Variants in B9D1 observed in about 807,000 individuals in gnomAD.
B9D1 encodes B9 domain-containing protein 1.
B9D1 carries 20 observed loss-of-function variants against 26.1 expected under a neutral mutation model. That is an observed-to-expected ratio of 0.77 (90% CI 0.54 to 1.12). B9D1 has a LOEUF of 1.12. Ranked by LOEUF, B9D1 falls within the 50% of genes most tolerant of loss-of-function variation. The pLI, the probability that B9D1 is intolerant of heterozygous loss-of-function variation, is 0.00. For missense variants in B9D1, 260 were observed against 273.7 expected, an observed-to-expected ratio of 0.95 and a Z score of 0.35; for synonymous variants, 105 against 103.1, an observed-to-expected ratio of 1.02 and a Z score of -0.11.
At chr17:19,366,922 G>T (rs1019296077), upstream of B9D1, among the ~76,000 whole-genome samples, 1 of 152,208 alleles carries the variant, frequency 6.6e-6, no homozygotes, top group Admixed American at 6.5e-5. Flanking sequence ...AGCTACAGGG[G>T]CTGAGAGGCC....
downstream of B9D1, chr17:19,336,003 T>A (rs1308924808): frequency 6.6e-6 from 1 of 152,576 alleles, no homozygotes; most frequent in Non-Finnish European, 1.5e-5. Context: ...AGCCCCTCTC[T>A]GGTTCCAGAA....
At chr17:19,363,425 T>C (rs556494462), upstream of B9D1, among the ~76,000 whole-genome samples, 1 of 152,222 alleles carries the variant, frequency 6.6e-6, no homozygotes, top group Non-Finnish European at 1.5e-5. Flanking sequence ...AGTAAGCACT[T>C]GGTAACTACT....
At chr17:19,335,541 G>A, downstream of B9D1, 2 of 1,482,828 alleles carry the variant, frequency 1.3e-6, no homozygotes, top group Middle Eastern at 1.7e-4. Flanking sequence ...GGAAATGGCA[G>A]TTGTCCCGAG....
At chr17:19,353,037 GCGATCTCAGCTCA>G (rs1259039573) in intron 3 of B9D1, among the ~76,000 whole-genome samples, 1 of 150,964 alleles carries the variant, frequency 6.6e-6, no homozygotes, top group Non-Finnish European at 1.5e-5. Flanking sequence ...GTGTAGTGAC[GCGATCTCAGCTCA>G]CTGCTATCTC....
intron 3 of B9D1, among the ~76,000 whole-genome samples, chr17:19,353,848 G>C (rs1468450711): frequency 3.3e-5 from 5 of 152,038 alleles, no homozygotes; most frequent in African/African-American, 9.7e-5. Context: ...GCTGAGGCAG[G>C]AGAATCGGTT....
rs1910708122 is a variant in B9D1, at chr17:19,359,040, T to G, written c.133-1089A>C. On this transcript the variant is annotated intron_variant, in intron 2 of 6. Transcript: ENST00000261499. The surrounding 1 kb of genome is among the most constrained non-coding windows in gnomAD (Gnocchi z 5.0). ...ATCCATCAAAAGAACCCAGCGGCTC[T>G]ATCTTCAGAATATACTTGCAGTCCA... Among the ~76,000 whole-genome samples the G allele has an allele frequency of 6.6e-6, 1 of 152,184 alleles. No individual in the cohort carries two copies. The highest frequency in any genetic ancestry group is 2.4e-5 in the African/African-American group (1 of 41,442).
intron 5 of B9D1, among the ~76,000 whole-genome samples, chr17:19,345,487 A>G (rs1908645860): frequency 6.6e-6 from 1 of 152,218 alleles, no homozygotes; most frequent in Admixed American, 6.5e-5. Flanking sequence ...CACTTTGCAC[A>G]GATATGATTA....
intron 5 of B9D1, among the ~76,000 whole-genome samples, chr17:19,346,377 C>T (rs1908783351): frequency 6.6e-6 from 1 of 152,248 alleles, no homozygotes; most frequent in South Asian, 2.1e-4. Context: ...TGTCCCTCCA[C>T]CCAGCAGGGC....
intron 3 of B9D1, among the ~76,000 whole-genome samples, chr17:19,348,770 T>C (rs1909200493): frequency 6.6e-6 from 1 of 152,268 alleles, no homozygotes; most frequent in Non-Finnish European, 1.5e-5. Flanking sequence ...AAAGGAATTA[T>C]ACAGTACATT....
chr17:19,360,103 G>C (rs1461777644), intron 2 of B9D1, among the ~76,000 whole-genome samples: 2 of 152,144 alleles, frequency 1.3e-5, no homozygotes, highest in Non-Finnish European at 2.9e-5. Flanking sequence ...AAGCTCACAG[G>C]GTAGGGCTTC....
At chr17:19,343,957 C>T (rs1191193870) in intron 5 of B9D1, 100 bp from the exon 6 acceptor site, 8 of 1,555,884 alleles carry the variant, frequency 5.1e-6, no homozygotes, top group African/African-American at 1.4e-5. Flanking sequence ...GAAACCAGCA[C>T]TCTTGTTCCA....
In B9D1 at chr17:19,347,922, C is replaced by A; in HGVS notation, c.245-42G>T. On this transcript the variant is annotated intron_variant, in intron 3 of 6. Transcript: ENST00000261499. This position sits in a 1 kb window ranked among gnomAD's most constrained non-coding sequence, Gnocchi z 4.3. ...CAGGGGGTGGGCACATGAGGACACA[C>A]AGGGGAGGTGCAGGGCAGAGAACAG... The A allele has an allele frequency of 1.3e-6, 2 of 1,558,006 alleles. No individual in the cohort carries two copies. Among genetic ancestry groups the A allele is most frequent in the East Asian group, 2.2e-5 (1 of 44,588 alleles).
At chr17:19,367,342 G>T (rs1911651401), upstream of B9D1, among the ~76,000 whole-genome samples, 1 of 127,932 alleles carries the variant, frequency 7.8e-6, no homozygotes. Flanking sequence ...ACAGAGTTTC[G>T]CTCTTGTTGC....
rs776537604 is a variant in B9D1 at position 19,347,869 on chromosome 17, C to T, written c.256G>A (p.Val86Met). 17 of 1,613,944 alleles carry T rather than the reference C, an allele frequency of 1.1e-5. No homozygotes were observed. Among genetic ancestry groups the T allele is most frequent in the East Asian group, 2.2e-5 (1 of 44,890 alleles). Residue 86 changes from valine to methionine, a missense_variant, in exon 4 of 7, where the codon GTG becomes ATG. Coordinates refer to ENST00000261499, the MANE Select transcript of B9D1 (RefSeq NM_015681.6). The surrounding 1 kb of genome is among the most constrained non-coding windows in gnomAD (Gnocchi z 4.3). ...STNPYGWPQI[V>M]LSVYGPDVFG... The stretch of plus-strand genomic sequence containing the variant: ...ACATCTGGTCCATACACGCTGAGCA[C>T]GATCTGTGGCCCTTGGGAAGGACAA...
intron 3 of B9D1, among the ~76,000 whole-genome samples, chr17:19,348,938 G>A (rs979111501): frequency 7.2e-5 from 11 of 152,192 alleles, no homozygotes; most frequent in Non-Finnish European, 4.4e-5. Context: ...CACATGGGCT[G>A]CCCTTCCTCT....
chr17:19,344,878 A>C (rs1260607875), intron 5 of B9D1, among the ~76,000 whole-genome samples: 4 of 152,206 alleles, frequency 2.6e-5, no homozygotes, highest in Non-Finnish European at 5.9e-5. Flanking sequence ...AGAGAGTGAA[A>C]GCCAGCAGGC....
At chr17:19,362,098 G>A (rs1222075980) in intron 1 of B9D1, among the ~76,000 whole-genome samples, 1 of 152,182 alleles carries the variant, frequency 6.6e-6, no homozygotes, top group African/African-American at 2.4e-5. Context: ...ATTCGAACCC[G>A]AGTTCAAGGA....
downstream of B9D1, among the ~76,000 whole-genome samples, chr17:19,340,643 C>T (rs1359009497): frequency 6.6e-6 from 1 of 151,528 alleles, no homozygotes; most frequent in Non-Finnish European, 1.5e-5. Flanking sequence ...CAAAAATTAG[C>T]CAGCTTCAGT....
chr17:19,339,645 A>T (rs752277731), downstream of B9D1, among the ~76,000 whole-genome samples: 2 of 152,214 alleles, frequency 1.3e-5, no homozygotes, highest in Non-Finnish European at 2.9e-5. Flanking sequence ...TTTCTCACTC[A>T]CAAAAAGCCT....
Sources: gnomAD v4.1 joint callset for allele counts (sites outside exome capture counted in the v4.1 genomes callset) on GRCh38, gnomAD v4.1.1 for gene constraint, Gnocchi (gnomAD v3.1) non-coding constraint, MANE v1.5 for transcripts, NCBI Gene and HGNC (gene_info 2026-07-23, HGNC 2026-07-21) for gene names.